YWHAE: variants seen among roughly 807,000 people sequenced by gnomAD.
YWHAE encodes 14-3-3 protein epsilon.
Under a neutral mutation model 30.1 loss-of-function variants are expected in YWHAE, and 4 were observed. That is an observed-to-expected ratio of 0.13 (90% CI 0.07 to 0.30). The LOEUF (loss-of-function observed/expected upper bound fraction) is 0.30, where lower values mean the gene tolerates loss of function less well. Ranked by LOEUF, YWHAE falls within the 10% of genes least tolerant of loss-of-function variation. The pLI is 1.00. For synonymous variants in YWHAE, 118 were observed against 111.8 expected (o/e 1.06, Z -0.35); for missense variants, 121 against 315.9 (o/e 0.38, Z 4.68).
intron 2 of YWHAE, among the ~76,000 whole-genome samples, chr17:1,363,064 T>C (rs991016329): frequency 6.6e-6 from 1 of 152,142 alleles, no homozygotes; most frequent in Admixed American, 6.6e-5. Context: ...CAAGGTATGG[T>C]GCAGCCATGT....
At chr17:1,386,768 G>A (rs1485623909) in intron 1 of YWHAE, among the ~76,000 whole-genome samples, 5 of 152,104 alleles carry the variant, frequency 3.3e-5, no homozygotes, top group East Asian at 1.9e-4. Flanking sequence ...TGGCCAACAC[G>A]GTGAAACACC....
chr17:1,354,069 G>A, intron 5 of YWHAE, 142 bp downstream of exon 5: 1 of 1,059,066 alleles, frequency 9.4e-7, no homozygotes, highest in Non-Finnish European at 1.3e-6. Context: ...TTCCTATAAA[G>A]GCAGCAATTA....
intron 1 of YWHAE, among the ~76,000 whole-genome samples, chr17:1,367,090 C>T (rs920648385): frequency 6.6e-6 from 1 of 152,052 alleles, no homozygotes; most frequent in Non-Finnish European, 1.5e-5. Context: ...GAAAAATATT[C>T]GGCAATGTTT....
chr17:1,359,919 G>A (rs2072831519), intron 4 of YWHAE, among the ~76,000 whole-genome samples: 1 of 76,834 alleles, frequency 1.3e-5, no homozygotes, highest in African/African-American at 7.0e-5. Flanking sequence ...GGGAGACGGG[G>A]AGGGGGAGGG....
At chr17:1,361,839 A>C (rs1446172727) in intron 3 of YWHAE, 63 bp downstream of exon 3, 3 of 1,110,134 alleles carry the variant, frequency 2.7e-6, no homozygotes, top group Non-Finnish European at 3.9e-6. Context: ...ACATAGAACA[A>C]AGTTATGGTT....
At chr17:1,377,365 C>T (rs533109943) in intron 1 of YWHAE, among the ~76,000 whole-genome samples, 1 of 152,268 alleles carries the variant, frequency 6.6e-6, no homozygotes, top group South Asian at 2.1e-4. Context: ...CCAGAGTGCT[C>T]ACAGAAACAA....
At chr17:1,376,927 AC>A (rs2073133857) in intron 1 of YWHAE, among the ~76,000 whole-genome samples, 1 of 137,664 alleles carries the variant, frequency 7.3e-6, no homozygotes, top group Admixed American at 8.1e-5. Context: ...CATAACCCTA[AC>A]TTTTTTTTTT....
intron 4 of YWHAE, among the ~76,000 whole-genome samples, chr17:1,356,967 A>C (rs538262404): frequency 2.7e-5 from 4 of 148,622 alleles, no homozygotes; most frequent in Admixed American, 1.4e-4. Context: ...CCAAAAAAAA[A>C]CACATACAAA....
chr17:1,355,070 T>C (rs369061724), intron 4 of YWHAE, among the ~76,000 whole-genome samples: 1 of 108,884 alleles, frequency 9.2e-6, no homozygotes, highest in South Asian at 3.9e-4. Flanking sequence ...CTTAGCCTCT[T>C]GAGTGGCTGG....
chr17:1,371,124 A>C (rs1186247645), intron 1 of YWHAE, among the ~76,000 whole-genome samples: 1 of 151,878 alleles, frequency 6.6e-6, no homozygotes, highest in Admixed American at 6.6e-5. Flanking sequence ...ACACTCTGTC[A>C]CCCAAGATGA....
At chr17:1,394,445 A>AAAAAAAAAAAAAAAAAAC (rs1567987797) in intron 1 of YWHAE, among the ~76,000 whole-genome samples, 3 of 142,588 alleles carry the variant, frequency 2.1e-5, no homozygotes, top group African/African-American at 8.8e-5. Context: ...ACAAAAAAAA[A>AAAAAAAAAAAAAAAAAAC]AAAAAAAAAA....
intron 4 of YWHAE, among the ~76,000 whole-genome samples, chr17:1,360,579 T>C (rs968562377): frequency 6.6e-6 from 1 of 151,890 alleles, no homozygotes; most frequent in Non-Finnish European, 1.5e-5. Flanking sequence ...CTAGCCAAAA[T>C]GGTGAAAACA....
At chr17:1,365,989 T>TG (rs11451755) in intron 1 of YWHAE, among the ~76,000 whole-genome samples, 111,954 of 151,742 alleles carry the variant, frequency 0.74, 42,685 homozygotes, top group African/African-American at 0.93. Flanking sequence ...CAGGCCGAGG[T>TG]GGCACATCAC....
intron 1 of YWHAE, among the ~76,000 whole-genome samples, chr17:1,367,232 C>T (rs2072959077): frequency 1.3e-5 from 2 of 152,140 alleles, no homozygotes; most frequent in African/African-American, 2.4e-5. Flanking sequence ...GTGGAAACCC[C>T]TCAAATGTGC....
Position 1,355,116 on chromosome 17 carries a change from T to C in YWHAE, c.579-769A>G, listed in dbSNP as rs71360485. 8.0e-3 allele frequency among the ~76,000 whole-genome samples: 137 copies of C among 17,180 alleles called. 4 individuals are homozygous for C. Among genetic ancestry groups the C allele is most frequent in the African/African-American group, 0.029 (131 of 4,574 alleles). The allele number at this position is 17,180 out of a possible 152,430, so 11.3% of individuals were successfully genotyped here. On this transcript the variant is annotated intron_variant, in intron 4 of 5. Coordinates refer to ENST00000264335, the MANE Select transcript of YWHAE (RefSeq NM_006761.5). ...ACACACTACCACCCCCAAGATTTTT[T>C]AAAAAAAAAAAAAAAAAAAAAAAAA...
In YWHAE at chr17:1,345,098, A is replaced by G. The variant is rs9393; in HGVS notation, c.*349T>C. On this transcript the variant is annotated 3_prime_UTR_variant, in exon 6 of 6. Transcript: ENST00000264335. ...TCTCTCTTAGATGCTTGCATCACCTATAAGTCTAATGGCTTTCAAATGTAA... is the reference window on the plus strand; with the variant it reads ...TCTCTCTTAGATGCTTGCATCACCTGTAAGTCTAATGGCTTTCAAATGTAA... The G allele has an allele frequency of 0.11, 37,074 of 334,050 alleles. 2,807 individuals carry two copies. The highest frequency in any genetic ancestry group is 0.25 in the Admixed American group (5,523 of 22,180). 20.7% of individuals were successfully genotyped at this position (334,050 alleles called of 1,614,324 possible).
At chr17:1,354,489 A>G (rs1467790128) in intron 4 of YWHAE, 142 bp from the exon 5 acceptor site, 3 of 841,634 alleles carry the variant, frequency 3.6e-6, no homozygotes, top group Non-Finnish European at 5.4e-6. Context: ...CAAATACAAT[A>G]AAAATTAACT....
At chr17:1,397,091 G>GTTTC (rs1483159291) in intron 1 of YWHAE, among the ~76,000 whole-genome samples, 2 of 151,320 alleles carry the variant, frequency 1.3e-5, no homozygotes, top group East Asian at 3.9e-4. Flanking sequence ...TAGAGACAGG[G>GTTTC]TTTCACCATG....
chr17:1,399,968 T>C, intron 1 of YWHAE, 79 bp downstream of exon 1: 1 of 1,569,420 alleles, frequency 6.4e-7, no homozygotes, highest in Non-Finnish European at 8.8e-7. Context: ...ATGCCGCCAT[T>C]TTGTCTCCTG....
Sources: allele counts gnomAD v4.1 joint callset (sites outside exome capture counted in the v4.1 genomes callset), GRCh38; gene constraint gnomAD v4.1.1; transcripts MANE v1.5; gene names NCBI Gene and HGNC (gene_info 2026-07-23, HGNC 2026-07-21).